ARID1B: variants seen among roughly 807,000 people sequenced by gnomAD.
The protein encoded by ARID1B is AT-rich interactive domain-containing protein 1B.
A neutral mutation model predicts 212.3 loss-of-function variants in ARID1B; 30 were observed. The observed-to-expected ratio is 0.14, with a 90% CI of 0.11 to 0.19. ARID1B has a LOEUF of 0.19. Among genes scored for constraint, ARID1B ranks in the 10% least tolerant of loss-of-function variants. The pLI is 1.00. For missense variants in ARID1B, 2,891 were observed against 3,204.0 expected (o/e 0.90, Z 2.36); for synonymous variants, 1,402 against 1,301.7 (o/e 1.08, Z -1.66).
intron 4 of ARID1B, among the ~76,000 whole-genome samples, chr6:156,960,159 G>C (rs1039421330): frequency 4.0e-5 from 6 of 151,574 alleles, no homozygotes; most frequent in Non-Finnish European, 5.9e-5. Flanking sequence ...TCGAACTACT[G>C]ACCTCGTGAT....
chr6:157,049,998 G>A (rs1039215908), intron 4 of ARID1B, among the ~76,000 whole-genome samples: 7 of 152,044 alleles, frequency 4.6e-5, no homozygotes, highest in Admixed American at 1.3e-4. Flanking sequence ...GAATAACAAC[G>A]CCTGTGGCCT....
At chr6:156,814,586 C>T (rs750852234) in intron 1 of ARID1B, among the ~76,000 whole-genome samples, 36 of 152,108 alleles carry the variant, frequency 2.4e-4, no homozygotes, top group Admixed American at 5.2e-4. Context: ...ATTGGCTTGG[C>T]GTGGTCAATC....
chr6:156,845,486 C>G (rs1319418336), intron 2 of ARID1B, among the ~76,000 whole-genome samples: 2 of 151,992 alleles, frequency 1.3e-5, no homozygotes, highest in African/African-American at 4.8e-5. Context: ...GAAAGGTGGC[C>G]TTAATGGGTG....
At chr6:157,131,896 G>A (rs1788575327) in intron 6 of ARID1B, among the ~76,000 whole-genome samples, 1 of 152,090 alleles carries the variant, frequency 6.6e-6, no homozygotes, top group Non-Finnish European at 1.5e-5. Flanking sequence ...TCACCATCTT[G>A]GCCAGGCTGG....
At chr6:156,962,045 A>G (rs904391931) in intron 4 of ARID1B, among the ~76,000 whole-genome samples, 1 of 152,116 alleles carries the variant, frequency 6.6e-6, no homozygotes, top group Non-Finnish European at 1.5e-5. Context: ...CACACCTGTA[A>G]TCCTAGCACT....
chr6:156,892,043 C>CTTTTTTTTTTTTT (rs1047406340), intron 2 of ARID1B, among the ~76,000 whole-genome samples: 5 of 115,182 alleles, frequency 4.3e-5, no homozygotes, highest in Non-Finnish European at 7.4e-5. Flanking sequence ...AGCGAATTTT[C>CTTTTTTTTTTTTT]TTTTTTTTTT....
At position 157,207,363 on chromosome 6, in the gene ARID1B, G is replaced by T; in HGVS notation, c.6591G>T (p.Ser2197=). 1 of 1,614,160 alleles carries T rather than the reference G, an allele frequency of 6.2e-7. No homozygotes were observed. The highest frequency in any genetic ancestry group is 1.7e-4 in the Middle Eastern group (1 of 6,060). The stretch of plus-strand genomic sequence containing the variant: ...CCTTTCCAACTGTGGGACCCAACTC[G>T]GTCCTGTCGCCTCAGAGACTTGTGC... ...QDPFPTVGPN[S]VLSPQRLVLE... is the part of the protein sequence containing the mutation. The change falls in exon 20 of 20, where the codon TCG becomes TCT. Residue 2197 remains serine (S), a synonymous_variant. Transcript: ENST00000636930. This position sits in a 1 kb window ranked among gnomAD's most constrained non-coding sequence, Gnocchi z 8.5.
intron 4 of ARID1B, among the ~76,000 whole-genome samples, chr6:157,068,317 T>G (rs1783807246): frequency 6.6e-6 from 1 of 152,230 alleles, no homozygotes; most frequent in Admixed American, 6.5e-5. Flanking sequence ...GTAGGCACAT[T>G]ATGAAGACAT....
chr6:156,945,261 T>TTTTTTTTG, intron 4 of ARID1B, among the ~76,000 whole-genome samples: 2 of 126,826 alleles, frequency 1.6e-5, no homozygotes, highest in African/African-American at 3.2e-5. Context: ...TTTTTTTTTT[T>TTTTTTTTG]TTTTTTTGTG....
chr6:157,062,765 G>A lies in ARID1B; in HGVS notation c.2248-21897G>A, dbSNP rs147208434. Among the ~76,000 whole-genome samples, 1,257 of 149,712 alleles carry A rather than the reference G, an allele frequency of 8.4e-3. 23 individuals carry two copies. The highest frequency in any genetic ancestry group is 0.03 in the African/African-American group (1,211 of 40,622). On this transcript the variant is annotated intron_variant, in intron 4 of 19. Transcript: ENST00000636930. ...GTTGCCCAAGCTGGAATGCAATGACGCGATCTCAGCTCACTGCAACCCCTG... is the reference window on the plus strand; with the variant it reads ...GTTGCCCAAGCTGGAATGCAATGACACGATCTCAGCTCACTGCAACCCCTG...
chr6:157,050,522 C>T (rs79585193), intron 4 of ARID1B, among the ~76,000 whole-genome samples: 1 of 152,038 alleles, frequency 6.6e-6, no homozygotes, highest in African/African-American at 2.4e-5. Context: ...CCAGCCTGGG[C>T]GACAGAGCGA....
At chr6:156,812,875 T>TAA (rs774801335) in intron 1 of ARID1B, among the ~76,000 whole-genome samples, 77 of 103,486 alleles carry the variant, frequency 7.4e-4, no homozygotes, top group African/African-American at 2.3e-3. Flanking sequence ...TGGTATGTTA[T>TAA]AAAAAAAAAA....
At chr6:156,839,677 T>C (rs1407471928) in intron 2 of ARID1B, among the ~76,000 whole-genome samples, 1 of 152,174 alleles carries the variant, frequency 6.6e-6, no homozygotes, top group Non-Finnish European at 1.5e-5. Flanking sequence ...TTAGTCTTCA[T>C]GGCATCTGAT....
intron 4 of ARID1B, among the ~76,000 whole-genome samples, chr6:156,967,151 G>C (rs1794825000): frequency 6.6e-6 from 1 of 152,086 alleles, no homozygotes; most frequent in Non-Finnish European, 1.5e-5. Flanking sequence ...TATAAACCTA[G>C]TCTTTTGGGG....
chr6:156,816,924 C>T (rs1250956954), intron 1 of ARID1B, among the ~76,000 whole-genome samples: 1 of 152,042 alleles, frequency 6.6e-6, no homozygotes, highest in Non-Finnish European at 1.5e-5. Context: ...GATTTCTGAT[C>T]AAAGAATGGG....
intron 1 of ARID1B, among the ~76,000 whole-genome samples, chr6:156,813,839 A>G (rs1237009866): frequency 6.6e-6 from 1 of 152,154 alleles, no homozygotes; most frequent in Non-Finnish European, 1.5e-5. Context: ...GAGCCAAGCA[A>G]GAACTGGGAG....
chr6:157,038,257 T>G (rs914741797), intron 4 of ARID1B, among the ~76,000 whole-genome samples: 1 of 152,180 alleles, frequency 6.6e-6, no homozygotes, highest in Non-Finnish European at 1.5e-5. Flanking sequence ...GTAGAAACTA[T>G]TACAGAACAC....
intron 7 of ARID1B, among the ~76,000 whole-genome samples, chr6:157,137,775 G>T (rs1000830439): frequency 1.3e-5 from 2 of 152,178 alleles, no homozygotes; most frequent in African/African-American, 4.8e-5. Flanking sequence ...AGCCATATGG[G>T]TCGTGCTGAC....
At chr6:156,920,057 G>A (rs1019215940) in intron 3 of ARID1B, among the ~76,000 whole-genome samples, 1 of 152,246 alleles carries the variant, frequency 6.6e-6, no homozygotes, top group Admixed American at 6.5e-5. Context: ...TTGTTCTCTA[G>A]TTTTTAGTCC....
Sources: allele counts gnomAD v4.1 joint callset (sites outside exome capture counted in the v4.1 genomes callset), GRCh38; gene constraint gnomAD v4.1.1; non-coding constraint Gnocchi (gnomAD v3.1); transcripts MANE v1.5; gene names NCBI Gene and HGNC (gene_info 2026-07-23, HGNC 2026-07-21).